CACNA1H: variants seen among roughly 807,000 people sequenced by gnomAD.
The protein encoded by CACNA1H is voltage-dependent T-type calcium channel subunit alpha-1H.
A neutral mutation model predicts 192.5 loss-of-function variants in CACNA1H; 149 were observed. The observed-to-expected ratio is 0.77, with a 90% CI of 0.68 to 0.89. CACNA1H has a LOEUF of 0.89. CACNA1H is among the 40% of genes least tolerant of loss of function. The pLI is 0.00. For missense variants in CACNA1H, 4,257 were observed against 3,423.5 expected (o/e 1.24, Z -6.08); for synonymous variants, 2,202 against 1,475.2 (o/e 1.49, Z -11.29).
chr16:1,172,597 A>G (rs1168079686), intron 2 of CACNA1H, among the ~76,000 whole-genome samples: 1 of 152,172 alleles, frequency 6.6e-6, no homozygotes, highest in Non-Finnish European at 1.5e-5. Context: ...GCTGGATCCT[A>G]GCAGGAGCTC....
At position 1,195,555 on chromosome 16, in the gene CACNA1H, G is replaced by A. The variant is rs374558503; in HGVS notation, c.535G>A (p.Val179Ile). 4.6e-5 allele frequency: 74 copies of A among 1,600,674 alleles called. No homozygotes were observed. The highest frequency in any genetic ancestry group is 1.6e-4 in the African/African-American group (12 of 74,704). The change falls in exon 4 of 35, where the codon GTC becomes ATC. Residue 179 changes from valine to isoleucine, a missense_variant. Val to Ile is a conservative substitution (Grantham distance 29). Transcript: ENST00000348261. ...GTGGAACAGGCTGGATTTCTTCATCGTCGTGGCGGGGTAGGCCCCGCCTGG... is the reference window on the plus strand; with the variant it reads ...GTGGAACAGGCTGGATTTCTTCATCATCGTGGCGGGGTAGGCCCCGCCTGG... Reference protein sequence around the residue: ...DTWNRLDFFIVVAGMMEYSLD... With the variant: ...DTWNRLDFFIIVAGMMEYSLD...
In CACNA1H at chr16:1,218,651, G is replaced by A. The variant is rs1485478870; in HGVS notation, c.5887G>A (p.Gly1963Ser). The change falls in exon 33 of 35, where the codon GGC becomes AGC. Residue 1963 changes from glycine to serine, a missense_variant and splice_region_variant. Coordinates refer to ENST00000348261, the MANE Select transcript of CACNA1H (RefSeq NM_021098.3). ...GACCTATGGGGCCGGCACCCCCTTG[G>A]GTATGGTAGCCAGCAGGAAGATATG... Reference protein sequence around the residue: ...METYGAGTPLGSVASVHSPPA... With the variant: ...METYGAGTPLSSVASVHSPPA... The A allele has an allele frequency of 6.5e-7, 1 of 1,538,456 alleles. No homozygotes were observed. Among genetic ancestry groups the A allele is most frequent in the Middle Eastern group, 1.8e-4 (1 of 5,668 alleles).
In CACNA1H at chr16:1,207,467, C is replaced by T. The variant is rs201082715; in HGVS notation, c.3063+37C>T. The T allele has an allele frequency of 5.6e-4, 887 of 1,597,980 alleles. 2 individuals are homozygous for T. Among genetic ancestry groups the T allele is most frequent in the East Asian group, 4.4e-3 (198 of 44,680 alleles). On this transcript the variant is annotated intron_variant, in intron 14 of 34. Coordinates refer to ENST00000348261, the MANE Select transcript of CACNA1H (RefSeq NM_021098.3). ...GGGAGAGGGGCTGCCAGGAGGAGGGCGATGAGAAGAGAGACGGGCTTCAGG... is the reference window on the plus strand; with the variant it reads ...GGGAGAGGGGCTGCCAGGAGGAGGGTGATGAGAAGAGAGACGGGCTTCAGG...
rs1567549586 is a variant in CACNA1H at position 1,215,225 on chromosome 16, AG to A, written c.5040-16del. The A allele has an allele frequency of 2.5e-6, 4 of 1,595,986 alleles. No individual in the cohort carries two copies. The highest frequency in any genetic ancestry group is 3.4e-6 in the Non-Finnish European group (4 of 1,170,932). ...GCGGGGACCCCAGACGTGTGCGCTG[AG>A]CCTCCGGCCACACAGGTGGAACCAG... is the stretch of plus-strand genomic sequence containing the variant. On this transcript the variant is annotated splice_polypyrimidine_tract_variant and intron_variant, in intron 28 of 34. Transcript: ENST00000348261.
chr16:1,195,892 T>C, intron 4 of CACNA1H, 34 bp from the exon 5 acceptor site: 1 of 1,525,502 alleles, frequency 6.6e-7, no homozygotes, highest in Non-Finnish European at 9.1e-7. Flanking sequence ...CCTGGGCTCC[T>C]TGTTGAGCTG....
intron 2 of CACNA1H, among the ~76,000 whole-genome samples, chr16:1,187,970 G>A (rs1294801094): frequency 6.6e-6 from 1 of 152,262 alleles, no homozygotes; most frequent in Non-Finnish European, 1.5e-5. Context: ...GCCAGGCCGA[G>A]CCGTGTCAGT....
chr16:1,183,932 C>T (rs1311592857), intron 2 of CACNA1H, among the ~76,000 whole-genome samples: 7 of 152,250 alleles, frequency 4.6e-5, no homozygotes, highest in Non-Finnish European at 1.0e-4. Context: ...ACGACAGGTG[C>T]CCTGGAGCCG....
At chr16:1,195,751 C>CT (rs1395815366) in intron 4 of CACNA1H, among the ~76,000 whole-genome samples, 175 bp from the exon 5 acceptor site, 1 of 152,164 alleles carries the variant, frequency 6.6e-6, no homozygotes, top group Non-Finnish European at 1.5e-5. Context: ...AGGTGGCCTC[C>CT]TGATGTGACC....
chr16:1,163,748 C>T (rs1236450798), intron 2 of CACNA1H, among the ~76,000 whole-genome samples: 1 of 152,246 alleles, frequency 6.6e-6, no homozygotes, highest in Non-Finnish European at 1.5e-5. Context: ...TGGGACCACG[C>T]TTGCCCAAGC....
intron 2 of CACNA1H, among the ~76,000 whole-genome samples, chr16:1,185,788 T>C (rs1208189679): frequency 2.4e-4 from 5 of 21,220 alleles, no homozygotes; most frequent in Admixed American, 9.0e-4. Flanking sequence ...AGGCGGGGTG[T>C]GTATGGGGCG....
Position 1,206,240 on chromosome 16 carries a change from A to G in CACNA1H, c.2740A>G (p.Asn914Asp), listed in dbSNP as rs1339627373. Residue 914 changes from asparagine to aspartate, a missense_variant, in exon 12 of 35, where the codon AAC becomes GAC. By Grantham distance (23) the Asn-to-Asp change is conservative. Coordinates refer to ENST00000348261, the MANE Select transcript of CACNA1H (RefSeq NM_021098.3). ...QLVVLVKTMDNVATFCTLLML... is the reference protein window; with the variant it reads ...QLVVLVKTMDDVATFCTLLML... ...CGTGGTGCTGGTGAAGACCATGGAC[A>G]ACGTGGCTACCTTCTGCACGCTGCT... 1.9e-6 allele frequency: 3 copies of G among 1,590,658 alleles called. No individual in the cohort carries two copies. The highest frequency in any genetic ancestry group is 1.3e-5 in the African/African-American group (1 of 74,392).
intron 6 of CACNA1H, among the ~76,000 whole-genome samples, chr16:1,199,659 C>T (rs1039474073): frequency 1.1e-4 from 17 of 149,434 alleles, no homozygotes; most frequent in Non-Finnish European, 1.9e-4. Context: ...CCCCGGGGTC[C>T]CCTCAACCCT....
intron 2 of CACNA1H, among the ~76,000 whole-genome samples, chr16:1,157,367 C>T (rs1480066839): frequency 6.6e-6 from 1 of 152,228 alleles, no homozygotes; most frequent in Non-Finnish European, 1.5e-5. Flanking sequence ...CATCGGGATG[C>T]TGAAGGACAG....
intron 2 of CACNA1H, among the ~76,000 whole-genome samples, chr16:1,154,498 C>T (rs1962035461): frequency 6.6e-6 from 1 of 152,134 alleles, no homozygotes; most frequent in Non-Finnish European, 1.5e-5. Context: ...AGTTTTCAGC[C>T]GGCGCCTGGT....
Position 1,181,886 on chromosome 16 carries a change from C to T in CACNA1H, c.300-13086C>T, listed in dbSNP as rs74004855. 6.2e-3 allele frequency among the ~76,000 whole-genome samples: 950 copies of T among 152,288 alleles called. 13 individuals are homozygous for T. Among genetic ancestry groups the T allele is most frequent in the African/African-American group, 0.022 (917 of 41,552 alleles). ...CACACCCGGACACGCGCCTCAGGTC[C>T]CCACACTGCCCTTACACACATGCGC... On this transcript the variant is annotated intron_variant, in intron 2 of 34. Transcript: ENST00000348261.
Position 1,205,283 on chromosome 16 carries a change from C to T in CACNA1H, c.2603+18C>T, listed in dbSNP as rs371489404. On this transcript the variant is annotated intron_variant, in intron 11 of 34. Coordinates refer to ENST00000348261, the MANE Select transcript of CACNA1H (RefSeq NM_021098.3). ...GTCATCAGGTGGGTCCCCACCCTCT[C>T]CCCAGGAAGAGGGGCCCGGGAAGCT... is the stretch of plus-strand genomic sequence containing the variant. The T allele has an allele frequency of 9.5e-6, 15 of 1,583,370 alleles. No homozygotes were observed. Among genetic ancestry groups the T allele is most frequent in the Admixed American group, 1.7e-5 (1 of 58,316 alleles).
chr16:1,205,555 A>G (rs1231508335), intron 11 of CACNA1H, among the ~76,000 whole-genome samples: 2 of 152,208 alleles, frequency 1.3e-5, no homozygotes, highest in East Asian at 1.9e-4. Context: ...TCCTGCAGGA[A>G]CAAAGCAGGT....
At chr16:1,158,447 A>T (rs1962724510) in intron 2 of CACNA1H, among the ~76,000 whole-genome samples, 1 of 151,986 alleles carries the variant, frequency 6.6e-6, no homozygotes, top group Non-Finnish European at 1.5e-5. Flanking sequence ...CCCGGGGATG[A>T]TGGCAGGGTA....
Position 1,211,739 on chromosome 16 carries a change from G to A in CACNA1H, c.4500G>A (p.Leu1500=), listed in dbSNP as rs374098971. The change falls in exon 24 of 35, where the codon CTG becomes CTA. Residue 1500 remains leucine (L), a synonymous_variant. Transcript: ENST00000348261. ...LGQALMSLFV[L]SSKDGWVNIM... ...AGGCCCTGATGTCGCTGTTCGTGCT[G>A]TCATCCAAGGATGGATGGGTGAACA... is the stretch of plus-strand genomic sequence containing the variant. 18 of 1,612,520 alleles carry A rather than the reference G, an allele frequency of 1.1e-5. No individual in the cohort carries two copies. In the African/African-American group the frequency reaches 1.2e-4, roughly 11 times the overall value.
Sources: gnomAD v4.1 joint callset for allele counts (sites outside exome capture counted in the v4.1 genomes callset) on GRCh38, gnomAD v4.1.1 for gene constraint, MANE v1.5 for transcripts, NCBI Gene and HGNC (gene_info 2026-07-23, HGNC 2026-07-21) for gene names.